The following DPP6 variants were observed in gnomAD, a reference collection of about 807,000 sequenced individuals.
The protein encoded by DPP6 is dipeptidyl peptidase like 6.
In DPP6, 69 loss-of-function variants were observed where a neutral mutation model predicts 122.6. The observed-to-expected ratio is 0.56, with a 90% CI of 0.46 to 0.69. The LOEUF (loss-of-function observed/expected upper bound fraction) is 0.69. Among genes scored for constraint, DPP6 ranks in the 30% least tolerant of loss-of-function variants. The probability of loss-of-function intolerance (pLI) is 0.00; values close to 1 mark genes in which losing one functional copy is unlikely to be tolerated. For synonymous variants in DPP6, 418 were observed against 433.1 expected (o/e 0.97, Z 0.43); for missense variants, 928 against 1,116.9 (o/e 0.83, Z 2.41).
At chr7:154,616,888 A>G (rs116041866) in intron 5 of DPP6, among the ~76,000 whole-genome samples, 229 of 152,318 alleles carry the variant, frequency 1.5e-3, no homozygotes, top group African/African-American at 5.4e-3. Flanking sequence ...ATATTATTTT[A>G]TCCAGATAAA....
Position 154,481,377 on chromosome 7 carries a change from G to A in DPP6, c.457+6340G>A, listed in dbSNP as rs1390637794. Among the ~76,000 whole-genome samples the A allele has an allele frequency of 1.5e-5, 2 of 136,784 alleles. No individual in the cohort carries two copies. The highest frequency in any genetic ancestry group is 3.3e-5 in the Non-Finnish European group (2 of 60,182). 89.7% of individuals were successfully genotyped at this position (136,784 alleles called of 152,430 possible). A position where few individuals can be genotyped will look rare whatever the true frequency, so the allele number is the denominator to read the frequency against. On this transcript the variant is annotated intron_variant, in intron 3 of 25. Coordinates refer to ENST00000377770, the MANE Select transcript of DPP6 (RefSeq NM_130797.4). This position sits in a 1 kb window ranked among gnomAD's most constrained non-coding sequence, Gnocchi z 4.2. ...TGTGTGTGTGTGTGTGTGTGTGTCT[G>A]TGTGTGTGTGCATGTCAGTCACTGG...
rs1026076586 is a variant in DPP6, at chr7:154,200,963, C to G, written c.243+147900C>G. Among the ~76,000 whole-genome samples the G allele has an allele frequency of 3.3e-5, 5 of 152,070 alleles. No individual in the cohort carries two copies. In the East Asian group the frequency reaches 9.7e-4, roughly 29 times the overall value. On this transcript the variant is annotated intron_variant, in intron 1 of 25. Transcript: ENST00000377770. Reference sequence around the variant, plus strand: ...CTTTAAAAAAAAAAATTGTGGGCTTCTCTTCCCCATCAAAATGACATCCCT... The same window carrying G: ...CTTTAAAAAAAAAAATTGTGGGCTTGTCTTCCCCATCAAAATGACATCCCT...
Position 154,549,303 on chromosome 7 carries a change from C to T in DPP6, c.552+8677C>T, listed in dbSNP as rs577448737. ...AGGGGACTCCTCATATCAGAGTTGT[C>T]CTTTATCATTAAGAGGTACAATAAA... On this transcript the variant is annotated intron_variant, in intron 4 of 25. Transcript: ENST00000377770. Among the ~76,000 whole-genome samples, 67 of 152,308 alleles carry T rather than the reference C, an allele frequency of 4.4e-4. 1 individual carries two copies. In the South Asian group the frequency reaches 0.013, roughly 31 times the overall value.
chr7:154,463,694 G>C (rs1821532428), intron 2 of DPP6, among the ~76,000 whole-genome samples: 1 of 152,064 alleles, frequency 6.6e-6, no homozygotes, highest in African/African-American at 2.4e-5. Flanking sequence ...GAGGAATCCT[G>C]CCAGATTGGG....
At chr7:154,060,393 A>G (rs536033927) in intron 1 of DPP6, among the ~76,000 whole-genome samples, 55 of 91,674 alleles carry the variant, frequency 6.0e-4, no homozygotes, top group South Asian at 7.8e-4. Flanking sequence ...ACTGGCTCTT[A>G]GGACCCCCAT....
At chr7:154,290,220 G>A (rs1025630518) in intron 1 of DPP6, among the ~76,000 whole-genome samples, 2 of 152,142 alleles carry the variant, frequency 1.3e-5, no homozygotes, top group African/African-American at 4.8e-5. Context: ...TGATCAAATT[G>A]TAATTGGTCA....
rs557193923 is a variant in DPP6 at position 154,819,491 on chromosome 7, T to C, written c.1666+12379T>C. The stretch of plus-strand genomic sequence containing the variant: ...CTCTAGAATGTGTCCATTCCTTTTA[T>C]CCTTGTTGCCCCAGCTCTGGGTAAT... On this transcript the variant is annotated intron_variant, in intron 16 of 25. Transcript: ENST00000377770. Among the ~76,000 whole-genome samples the C allele has an allele frequency of 2.0e-5, 3 of 152,326 alleles. No homozygotes were observed. The East Asian group carries it at 5.8e-4, about 29-fold the overall frequency.
chr7:154,336,715 C>T (rs917431174), intron 1 of DPP6, among the ~76,000 whole-genome samples: 6 of 152,078 alleles, frequency 3.9e-5, no homozygotes, highest in African/African-American at 9.7e-5. Context: ...AGCATGGAAG[C>T]GGCTTGGGTA....
At chr7:154,454,309 T>G (rs939520700) in intron 2 of DPP6, among the ~76,000 whole-genome samples, 1 of 152,232 alleles carries the variant, frequency 6.6e-6, no homozygotes, top group Non-Finnish European at 1.5e-5. Flanking sequence ...AACACAGAGT[T>G]GTTTTGGCTG....
intron 6 of DPP6, among the ~76,000 whole-genome samples, chr7:154,664,223 G>C (rs1269363717): frequency 6.8e-6 from 1 of 147,588 alleles, no homozygotes; most frequent in African/African-American, 2.5e-5. Context: ...ACCATGGCTT[G>C]TTGGCCCTAG....
chr7:154,133,178 A>T (rs1485021317), intron 1 of DPP6, among the ~76,000 whole-genome samples: 1 of 152,208 alleles, frequency 6.6e-6, no homozygotes, highest in Non-Finnish European at 1.5e-5. Flanking sequence ...TATATACCTC[A>T]TAGAAACAGG....
the DPP6 span, among the ~76,000 whole-genome samples, chr7:153,829,954 C>A: frequency 6.6e-6 from 1 of 152,198 alleles, no homozygotes; most frequent in Non-Finnish European, 1.5e-5. Flanking sequence ...ATGTGCCTTG[C>A]CATCAGGCAG....
chr7:154,072,961 C>G (rs1166307544), intron 1 of DPP6, among the ~76,000 whole-genome samples: 2 of 152,214 alleles, frequency 1.3e-5, no homozygotes, highest in African/African-American at 2.4e-5. Flanking sequence ...TTCCTGCCAG[C>G]AACTGTGAGA....
chr7:154,779,047 T>TATCACCACTATCACCACC (rs1563201113), intron 10 of DPP6, among the ~76,000 whole-genome samples: 3 of 6,060 alleles, frequency 5.0e-4, no homozygotes, highest in Non-Finnish European at 9.9e-4. Flanking sequence ...CCACCACAAC[T>TATCACCACTATCACCACC]ACCCCCACCA....
intron 4 of DPP6, among the ~76,000 whole-genome samples, chr7:154,545,283 T>G (rs1829078563): frequency 6.6e-6 from 1 of 151,944 alleles, no homozygotes; most frequent in South Asian, 2.1e-4. Context: ...TGTATCTTGT[T>G]TTTTTTTCCT....
intron 4 of DPP6, among the ~76,000 whole-genome samples, chr7:154,550,951 C>T (rs1401069314): frequency 1.3e-5 from 2 of 151,878 alleles, no homozygotes; most frequent in Non-Finnish European, 1.5e-5. Flanking sequence ...AGGGTTTCAC[C>T]ATACAAACTC....
chr7:154,278,586 A>G (rs1025284423), intron 1 of DPP6, among the ~76,000 whole-genome samples: 16 of 152,252 alleles, frequency 1.1e-4, no homozygotes, highest in Non-Finnish European at 1.8e-4. Context: ...AGGTGGTGCA[A>G]CTTTTAACAG....
chr7:154,870,146 C>CT (rs61457825), intron 18 of DPP6, among the ~76,000 whole-genome samples: 3,071 of 121,644 alleles, frequency 0.025, 58 homozygotes, highest in Non-Finnish European at 0.034. Flanking sequence ...CCAACTAATT[C>CT]TTTTTTTTTT....
chr7:154,183,907 C>T (rs1421269091), intron 1 of DPP6, among the ~76,000 whole-genome samples: 1 of 152,218 alleles, frequency 6.6e-6, no homozygotes, highest in Non-Finnish European at 1.5e-5. Context: ...CTGACAGGGG[C>T]CCTGCACTAT....
Sources: gnomAD v4.1 joint callset for allele counts (sites outside exome capture counted in the v4.1 genomes callset) on GRCh38, gnomAD v4.1.1 for gene constraint, Gnocchi (gnomAD v3.1) non-coding constraint, MANE v1.5 for transcripts, NCBI Gene and HGNC (gene_info 2026-07-23, HGNC 2026-07-21) for gene names.